RAD51B: variants seen among roughly 807,000 people sequenced by gnomAD.
RAD51B encodes the protein RAD51 paralog B.
Under a neutral mutation model 42.2 loss-of-function variants are expected in RAD51B, and 38 were observed. The observed-to-expected ratio is 0.90, with a 90% CI of 0.70 to 1.18. The LOEUF (loss-of-function observed/expected upper bound fraction) is 1.18, where lower values mean the gene tolerates loss of function less well. Among genes scored for constraint, RAD51B ranks in the 50% most tolerant of loss-of-function variants. The pLI is 0.00. For missense variants in RAD51B, 373 were observed against 400.7 expected (o/e 0.93, Z 0.59); for synonymous variants, 154 against 145.2 (o/e 1.06, Z -0.43).
chr14:68,089,583 T>C (rs2077055556), intron 7 of RAD51B, among the ~76,000 whole-genome samples: 1 of 152,160 alleles, frequency 6.6e-6, no homozygotes. Flanking sequence ...GACCTTTTGA[T>C]GGAACAAAGC....
intron 8 of RAD51B, among the ~76,000 whole-genome samples, chr14:68,404,790 C>G (rs2084217912): frequency 6.6e-6 from 1 of 152,134 alleles, no homozygotes; most frequent in Non-Finnish European, 1.5e-5. Context: ...TCTGGAAACC[C>G]CTTGCCCTGG....
intron 7 of RAD51B, among the ~76,000 whole-genome samples, chr14:68,272,633 CTT>C (rs1566775445): frequency 3.3e-5 from 1 of 30,186 alleles, no homozygotes; most frequent in Non-Finnish European, 5.6e-5. Flanking sequence ...TTTATAAACA[CTT>C]TATATATATA....
intron 10 of RAD51B, among the ~76,000 whole-genome samples, chr14:68,645,341 A>T (rs113056395): frequency 3.9e-5 from 6 of 152,220 alleles, no homozygotes; most frequent in Non-Finnish European, 7.3e-5. Flanking sequence ...TTCATTTTTA[A>T]GGGTGGATAA....
At chr14:68,021,140 C>T (rs984435360) in intron 7 of RAD51B, among the ~76,000 whole-genome samples, 1 of 152,132 alleles carries the variant, frequency 6.6e-6, no homozygotes, top group Admixed American at 6.5e-5. Flanking sequence ...GCTCTGAGGA[C>T]AATATAGTAC....
At chr14:67,917,681 C>T (rs1057231910) in intron 7 of RAD51B, among the ~76,000 whole-genome samples, 1 of 151,982 alleles carries the variant, frequency 6.6e-6, no homozygotes, top group Admixed American at 6.5e-5. Context: ...GATTTCCTGA[C>T]GATTTGAGTA....
Position 68,093,615 on chromosome 14 carries a change from C to T in RAD51B, c.757-198269C>T, listed in dbSNP as rs188906405. ...TTTTCTTCTTTATTAGTCTTGCTAGCGGTCTATCAATTTTGTTGATCTTTT... is the reference window on the plus strand; with the variant it reads ...TTTTCTTCTTTATTAGTCTTGCTAGTGGTCTATCAATTTTGTTGATCTTTT... On this transcript the variant is annotated intron_variant, in intron 7 of 10. Transcript: ENST00000471583. 2.5e-3 allele frequency among the ~76,000 whole-genome samples: 381 copies of T among 151,732 alleles called. 6 individuals carry two copies. In the East Asian group the frequency reaches 0.028, roughly 11 times the overall value.
Position 68,440,603 on chromosome 14 carries a change from G to T in RAD51B, c.958-27569G>T, listed in dbSNP as rs191872794. Among the ~76,000 whole-genome samples the T allele has an allele frequency of 8.2e-4, 125 of 152,182 alleles. 1 individual carries two copies. Among genetic ancestry groups the T allele is most frequent in the Middle Eastern group, 3.4e-3 (1 of 294 alleles). ...CTACTAAAAAATACAAAAATTAGTT[G>T]GGCATGGTGGCGGACACCTGTAATC... On this transcript the variant is annotated intron_variant, in intron 9 of 10. Coordinates refer to ENST00000471583, the MANE Select transcript of RAD51B (RefSeq NM_133510.4).
chr14:68,512,039 A>G (rs1244186464), intron 10 of RAD51B, among the ~76,000 whole-genome samples: 4 of 152,244 alleles, frequency 2.6e-5, no homozygotes, highest in East Asian at 1.9e-4. Context: ...TTTCCCCCCA[A>G]AATCTAGGTT....
At chr14:68,207,700 T>C (rs754787128) in intron 7 of RAD51B, among the ~76,000 whole-genome samples, 2 of 152,094 alleles carry the variant, frequency 1.3e-5, no homozygotes, top group Non-Finnish European at 2.9e-5. Flanking sequence ...CAGTACTAGG[T>C]AGAGTCATGG....
chr14:67,843,299 C>G (rs28759839), intron 4 of RAD51B: 1 of 118,978 alleles, frequency 8.4e-6, no homozygotes. Context: ...CCCTCCCCCC[C>G]TCCCCCACAA....
At position 67,866,600 on chromosome 14, in the gene RAD51B, A is replaced by C. The variant is rs183961089; in HGVS notation, c.452+1461A>C. Among the ~76,000 whole-genome samples, 126 of 152,320 alleles carry C rather than the reference A, an allele frequency of 8.3e-4. 1 individual carries two copies. Among genetic ancestry groups the C allele is most frequent in the African/African-American group, 3.0e-3 (125 of 41,570 alleles). ...AAAACAGAGTTTAGGATGTCTTCTT[A>C]AGGAGGAAACTGTTGCATGTTATTT... On this transcript the variant is annotated intron_variant, in intron 5 of 10. Coordinates refer to ENST00000471583, the MANE Select transcript of RAD51B (RefSeq NM_133510.4).
At chr14:67,883,145 A>C (rs542518367) in intron 5 of RAD51B, among the ~76,000 whole-genome samples, 2 of 152,088 alleles carry the variant, frequency 1.3e-5, no homozygotes, top group South Asian at 4.1e-4. Flanking sequence ...ACCAGCTCTT[A>C]ACTGGTCACT....
At chr14:67,951,752 G>T (rs549634123) in intron 7 of RAD51B, among the ~76,000 whole-genome samples, 5 of 151,972 alleles carry the variant, frequency 3.3e-5, no homozygotes, top group Admixed American at 2.0e-4. Context: ...TATTTTATGA[G>T]GTGATCTGAT....
At chr14:67,940,056 T>TATATATATA (rs1566969343) in intron 7 of RAD51B, among the ~76,000 whole-genome samples, 11 of 8,640 alleles carry the variant, frequency 1.3e-3, no homozygotes, top group Non-Finnish European at 1.9e-3. Context: ...ATATATATAT[T>TATATATATA]TTTTTTTTTT....
In RAD51B at chr14:67,823,526, T is replaced by C; in HGVS notation, c.-2-16T>C. 6.2e-7 allele frequency: 1 copy of C among 1,608,854 alleles called. No individual in the cohort carries two copies. Among genetic ancestry groups the C allele is most frequent in the Non-Finnish European group, 8.5e-7 (1 of 1,177,350 alleles). On this transcript the variant is annotated splice_polypyrimidine_tract_variant and intron_variant, in intron 1 of 10. Coordinates refer to ENST00000471583, the MANE Select transcript of RAD51B (RefSeq NM_133510.4). ...TGTTTTTTTCATGGTTCTTCTTTTCTTTGCTGGATCTGGAGGCATGGGTAG... is the reference window on the plus strand; with the variant it reads ...TGTTTTTTTCATGGTTCTTCTTTTCCTTGCTGGATCTGGAGGCATGGGTAG...
At position 68,031,294 on chromosome 14, in the gene RAD51B, A is replaced by G. The variant is rs535081666; in HGVS notation, c.756+144090A>G. On this transcript the variant is annotated intron_variant, in intron 7 of 10. Coordinates refer to ENST00000471583, the MANE Select transcript of RAD51B (RefSeq NM_133510.4). ...CCATCAGATCTTATTCACTACCATG[A>G]GAACAGTATAGGAGAAACCACCCTC... is the stretch of plus-strand genomic sequence containing the variant. 2.0e-5 allele frequency among the ~76,000 whole-genome samples: 3 copies of G among 152,300 alleles called. No individual in the cohort carries two copies. In the South Asian group the frequency reaches 6.2e-4, roughly 32 times the overall value.
intron 9 of RAD51B, among the ~76,000 whole-genome samples, chr14:68,426,570 C>T (rs563919108): frequency 3.3e-5 from 5 of 152,162 alleles, no homozygotes; most frequent in South Asian, 4.2e-4. Context: ...ACCATGACAT[C>T]GAAGAACTGT....
intron 7 of RAD51B, among the ~76,000 whole-genome samples, chr14:68,188,501 AC>A (rs1779701300): frequency 6.6e-6 from 1 of 152,158 alleles, no homozygotes; most frequent in Admixed American, 6.5e-5. Flanking sequence ...GCTATAGGCA[AC>A]AATATTAGGT....
At chr14:67,857,198 T>A (rs1566926830) in intron 4 of RAD51B, among the ~76,000 whole-genome samples, 1 of 152,140 alleles carries the variant, frequency 6.6e-6, no homozygotes, top group Non-Finnish European at 1.5e-5. Flanking sequence ...TAAAATCGCA[T>A]ATGGTATAAT....
Sources: gnomAD v4.1 joint callset for allele counts (sites outside exome capture counted in the v4.1 genomes callset) on GRCh38, gnomAD v4.1.1 for gene constraint, MANE v1.5 for transcripts, NCBI Gene and HGNC (gene_info 2026-07-23, HGNC 2026-07-21) for gene names.